The following PPFIBP2 variants were observed in gnomAD, a reference collection of about 807,000 sequenced individuals.
PPFIBP2 encodes the protein liprin-beta-2.
In PPFIBP2, 118 loss-of-function variants were observed where a neutral mutation model predicts 118.3. The ratio of observed to expected loss-of-function variants is 1.00; its 90% CI spans 0.86 to 1.16. PPFIBP2 has a LOEUF of 1.16. Ranked by LOEUF, PPFIBP2 falls within the 50% of genes most tolerant of loss-of-function variation. The pLI is 0.00. For synonymous variants in PPFIBP2, 414 were observed against 397.4 expected (o/e 1.04, Z -0.50); for missense variants, 1,195 against 1,073.1 (o/e 1.11, Z -1.59).
chr11:7,657,043 T>C (rs991443994), downstream of PPFIBP2: 3 of 328,866 alleles, frequency 9.1e-6, no homozygotes, highest in Non-Finnish European at 1.8e-5. Flanking sequence ...TGTACTTTTA[T>C]ACGTGGACTG....
At chr11:7,663,869 C>A in the PPFIBP2 span, among the ~76,000 whole-genome samples, 1 of 152,186 alleles carries the variant, frequency 6.6e-6, no homozygotes. Flanking sequence ...TTTTTAAGCC[C>A]GTCGGAAAAG....
At chr11:7,607,312 A>G (rs143645076) in intron 5 of PPFIBP2, among the ~76,000 whole-genome samples, 1,911 of 149,618 alleles carry the variant, frequency 0.013, 59 homozygotes, top group African/African-American at 0.045. Context: ...GGTTCAATCA[A>G]TCCTCCCACC....
rs60476199 is a variant in PPFIBP2, at chr11:7,588,486, G to T, written c.280-4646G>T. 1.4e-3 allele frequency among the ~76,000 whole-genome samples: 211 copies of T among 152,302 alleles called. 3 individuals carry two copies. The East Asian group carries it at 0.032, about 23-fold the overall frequency. Reference sequence around the variant, plus strand: ...ATACCCACACCTTAGGCTGTTAATTGCTCAAGCTGCACATTAGGCTTGCCC... The same window carrying T: ...ATACCCACACCTTAGGCTGTTAATTTCTCAAGCTGCACATTAGGCTTGCCC... On this transcript the variant is annotated intron_variant, in intron 3 of 23. Coordinates refer to ENST00000299492, the MANE Select transcript of PPFIBP2 (RefSeq NM_003621.5).
At chr11:7,650,757 T>C in intron 21 of PPFIBP2, 83 bp from the exon 22 acceptor site, 1 of 1,482,448 alleles carries the variant, frequency 6.7e-7, no homozygotes. Context: ...TGGGGCAGGG[T>C]TACTTACCGG....
chr11:7,627,751 C>T (rs1163576085), intron 8 of PPFIBP2, among the ~76,000 whole-genome samples: 1 of 152,196 alleles, frequency 6.6e-6, no homozygotes, highest in Non-Finnish European at 1.5e-5. Context: ...GTATATATCC[C>T]AATACATCTA....
chr11:7,519,431 A>G (rs181281094), intron 1 of PPFIBP2, among the ~76,000 whole-genome samples: 55 of 152,352 alleles, frequency 3.6e-4, no homozygotes, highest in Non-Finnish European at 8.8e-5. Flanking sequence ...GTCGTTGGCA[A>G]TACTTGCTTA....
intron 16 of PPFIBP2, chr11:7,642,006 A>C (rs1463985256): frequency 4.8e-6 from 2 of 414,990 alleles, no homozygotes; most frequent in Non-Finnish European, 8.6e-6. Context: ...TGCTGGCCCA[A>C]CTGATCCACT....
At chr11:7,539,326 T>C (rs1016505059) in intron 1 of PPFIBP2, 7 of 152,398 alleles carry the variant, frequency 4.6e-5, no homozygotes, top group Admixed American at 3.3e-4. Flanking sequence ...CATTGTGATA[T>C]AAAGCCAGTG....
chr11:7,536,561 G>A (rs1015356564), intron 1 of PPFIBP2, among the ~76,000 whole-genome samples: 2 of 152,164 alleles, frequency 1.3e-5, no homozygotes, highest in Non-Finnish European at 2.9e-5. Flanking sequence ...GTGAAGAGAG[G>A]GTAAGAGATG....
intron 11 of PPFIBP2, chr11:7,631,384 G>C: frequency 4.9e-6 from 1 of 203,810 alleles, no homozygotes; most frequent in Admixed American, 5.3e-5. Context: ...AGTAATGCCC[G>C]ATACCCAGTA....
intron 1 of PPFIBP2, among the ~76,000 whole-genome samples, chr11:7,540,801 A>C (rs1851698358): frequency 6.6e-6 from 1 of 152,168 alleles, no homozygotes. Flanking sequence ...CCATTTAGGT[A>C]GTCAGAATTA....
At chr11:7,584,509 A>C (rs1857777147) in intron 3 of PPFIBP2, among the ~76,000 whole-genome samples, 1 of 152,220 alleles carries the variant, frequency 6.6e-6, no homozygotes, top group African/African-American at 2.4e-5. Flanking sequence ...CAAAGATGGT[A>C]GATTGGCTTG....
intron 9 of PPFIBP2, 105 bp downstream of exon 9, chr11:7,628,451 C>G: frequency 2.9e-6 from 3 of 1,042,148 alleles, no homozygotes; most frequent in Non-Finnish European, 2.8e-6. Flanking sequence ...GCTTATCATG[C>G]CATTGACATA....
At chr11:7,650,996 C>T (rs779110069) in intron 22 of PPFIBP2, 31 bp downstream of exon 22, 151 of 1,603,776 alleles carry the variant, frequency 9.4e-5, no homozygotes, top group Non-Finnish European at 2.6e-5. Context: ...GCCCACCTGC[C>T]TTGGTGCAAA....
chr11:7,527,188 G>A (rs1238288509), intron 1 of PPFIBP2, among the ~76,000 whole-genome samples: 1 of 151,990 alleles, frequency 6.6e-6, no homozygotes, highest in African/African-American at 2.4e-5. Context: ...GGGGAGGCAA[G>A]GAAGGGATGT....
At chr11:7,601,880 G>C (rs954156287) in intron 5 of PPFIBP2, among the ~76,000 whole-genome samples, 2 of 149,756 alleles carry the variant, frequency 1.3e-5, no homozygotes, top group African/African-American at 4.9e-5. Context: ...GATAACCCGA[G>C]GTCAGGAGTT....
chr11:7,649,433 G>C, intron 20 of PPFIBP2, 99 bp from the exon 21 acceptor site: 1 of 1,501,290 alleles, frequency 6.7e-7, no homozygotes, highest in South Asian at 1.2e-5. Context: ...ACCTTCCTGA[G>C]ATGTGGTTGA....
chr11:7,627,087 A>T (rs1487376322), intron 8 of PPFIBP2, among the ~76,000 whole-genome samples: 2 of 152,222 alleles, frequency 1.3e-5, no homozygotes, highest in Non-Finnish European at 2.9e-5. Context: ...CTTCTAGGCC[A>T]GGCAGCCTTC....
intron 1 of PPFIBP2, among the ~76,000 whole-genome samples, chr11:7,546,551 T>C (rs7121717): frequency 0.26 from 39,829 of 152,164 alleles, 5,480 homozygotes; most frequent in African/African-American, 0.35. Flanking sequence ...GGCCACCTGA[T>C]TTGTTAGGCA....
Sources: allele counts gnomAD v4.1 joint callset (sites outside exome capture counted in the v4.1 genomes callset), GRCh38; gene constraint gnomAD v4.1.1; transcripts MANE v1.5; gene names NCBI Gene and HGNC (gene_info 2026-07-23, HGNC 2026-07-21).